The following SCHIP1 variants were observed in gnomAD, a reference collection of about 807,000 sequenced individuals.
SCHIP1 encodes the protein schwannomin-interacting protein 1.
A neutral mutation model predicts 29.7 loss-of-function variants in SCHIP1; 8 were observed. The observed-to-expected ratio is 0.27, with a 90% CI of 0.16 to 0.49. The LOEUF (loss-of-function observed/expected upper bound fraction) is 0.49, where lower values mean the gene tolerates loss of function less well. Ranked by LOEUF, SCHIP1 falls within the 20% of genes least tolerant of loss-of-function variation. SCHIP1 has a pLI of 0.99. For synonymous variants in SCHIP1, 76 were observed against 94.9 expected, an observed-to-expected ratio of 0.80 and a Z score of 1.16; for missense variants, 193 against 294.6, an observed-to-expected ratio of 0.66 and a Z score of 2.52.
At chr3:159,556,780 A>C in the SCHIP1 span, among the ~76,000 whole-genome samples, 1 of 58,946 alleles carries the variant, frequency 1.7e-5, no homozygotes, top group African/African-American at 7.1e-5. Context: ...GGGTGGGGGG[A>C]GGGGGGAGGG....
At chr3:159,628,853 G>T in the SCHIP1 span, among the ~76,000 whole-genome samples, 3 of 152,010 alleles carry the variant, frequency 2.0e-5, no homozygotes, top group East Asian at 5.8e-4. Flanking sequence ...ATGTTTTAAA[G>T]ATTTTTTATG....
chr3:159,489,532 T>A, the SCHIP1 span, among the ~76,000 whole-genome samples: 1 of 152,194 alleles, frequency 6.6e-6, no homozygotes, highest in African/African-American at 2.4e-5. Context: ...ACAATATATG[T>A]CAATATTTTA....
the SCHIP1 span, among the ~76,000 whole-genome samples, chr3:159,333,795 C>G: frequency 2.7e-5 from 4 of 150,402 alleles, no homozygotes; most frequent in Non-Finnish European, 5.9e-5. Context: ...AAAAATATTT[C>G]ATATTAAATT....
the SCHIP1 span, among the ~76,000 whole-genome samples, chr3:159,370,194 C>T: frequency 1.3e-5 from 2 of 152,162 alleles, no homozygotes; most frequent in African/African-American, 2.4e-5. Flanking sequence ...GCTGTTGAGG[C>T]TGTAGATCTG....
chr3:159,517,674 G>A, the SCHIP1 span, among the ~76,000 whole-genome samples: 4 of 151,704 alleles, frequency 2.6e-5, no homozygotes, highest in African/African-American at 9.7e-5. Context: ...CTGTGTGTAT[G>A]TGTGTACATA....
chr3:159,824,614 A>G, the SCHIP1 span, among the ~76,000 whole-genome samples: 1 of 152,234 alleles, frequency 6.6e-6, no homozygotes, highest in African/African-American at 2.4e-5. Context: ...GAATTAATTT[A>G]TCACCTTGAC....
At chr3:159,561,342 T>G in the SCHIP1 span, among the ~76,000 whole-genome samples, 458 of 152,308 alleles carry the variant, frequency 3.0e-3, 1 homozygote, top group African/African-American at 9.1e-3. Context: ...TGGGTTTTCC[T>G]CCACTGAATC....
the SCHIP1 span, chr3:159,765,500 G>T: frequency 4.5e-6 from 1 of 224,180 alleles, no homozygotes; most frequent in Non-Finnish European, 8.6e-6. Context: ...GTGCCTGCGG[G>T]GGATATTTCA....
chr3:159,389,508 T>G, the SCHIP1 span, among the ~76,000 whole-genome samples: 1 of 152,054 alleles, frequency 6.6e-6, no homozygotes, highest in Non-Finnish European at 1.5e-5. Context: ...TCATGACTTT[T>G]GACTTAGCAA....
At chr3:159,698,862 T>C in the SCHIP1 span, among the ~76,000 whole-genome samples, 1 of 152,042 alleles carries the variant, frequency 6.6e-6, no homozygotes, top group Non-Finnish European at 1.5e-5. Flanking sequence ...GCCAGGCTGG[T>C]CTCAAACTTC....
the SCHIP1 span, among the ~76,000 whole-genome samples, chr3:159,448,609 A>G: frequency 6.6e-6 from 1 of 152,206 alleles, no homozygotes; most frequent in Non-Finnish European, 1.5e-5. Flanking sequence ...ATATGTGTTA[A>G]GAGTGTCCAG....
chr3:159,734,787 C>CTTTTTTTT, the SCHIP1 span, among the ~76,000 whole-genome samples: 83 of 110,492 alleles, frequency 7.5e-4, no homozygotes, highest in African/African-American at 1.5e-3. Context: ...CTTTTCTTGT[C>CTTTTTTTT]TTTTTTTTTT....
chr3:159,432,241 T>C, the SCHIP1 span, among the ~76,000 whole-genome samples: 1 of 150,824 alleles, frequency 6.6e-6, no homozygotes, highest in Non-Finnish European at 1.5e-5. Context: ...TAGGGCTGCT[T>C]GAGAGCCCTC....
chr3:159,806,703 G>A, the SCHIP1 span, among the ~76,000 whole-genome samples: 1 of 152,270 alleles, frequency 6.6e-6, no homozygotes, highest in East Asian at 1.9e-4. Flanking sequence ...AGGCAGGGCT[G>A]CTGCTCACAC....
the SCHIP1 span, among the ~76,000 whole-genome samples, chr3:159,557,118 C>T: frequency 5.5e-4 from 84 of 151,764 alleles, no homozygotes; most frequent in African/African-American, 1.7e-3. Context: ...CCACCACGCC[C>T]GGCTAATTTT....
the SCHIP1 span, among the ~76,000 whole-genome samples, chr3:159,351,478 T>A: frequency 1.3e-5 from 2 of 152,268 alleles, no homozygotes; most frequent in South Asian, 2.1e-4. Context: ...ATGGTCAACA[T>A]TGTGTGTCCT....
At chr3:159,501,797 T>C in the SCHIP1 span, among the ~76,000 whole-genome samples, 27 of 152,352 alleles carry the variant, frequency 1.8e-4, no homozygotes, top group Admixed American at 2.6e-4. Flanking sequence ...ACTAGTACTT[T>C]ATGTTATTTA....
chr3:159,314,785 A>AG, the SCHIP1 span, among the ~76,000 whole-genome samples: 2 of 152,312 alleles, frequency 1.3e-5, no homozygotes, highest in East Asian at 3.9e-4. Context: ...TTATTGTTTA[A>AG]GCCAATTTGA....
At chr3:159,491,667 C>G in the SCHIP1 span, among the ~76,000 whole-genome samples, 2 of 152,258 alleles carry the variant, frequency 1.3e-5, no homozygotes, top group Non-Finnish European at 2.9e-5. Flanking sequence ...TCTATAGGCT[C>G]CACCTCTGGT....
Sources: gnomAD v4.1 joint callset for allele counts (sites outside exome capture counted in the v4.1 genomes callset) on GRCh38, gnomAD v4.1.1 for gene constraint, MANE v1.5 for transcripts, NCBI Gene and HGNC (gene_info 2026-07-23, HGNC 2026-07-21) for gene names.